FAM240B: variants seen among roughly 807,000 people sequenced by gnomAD.
The protein encoded by FAM240B is family with sequence similarity 240 member B, also known as protein FAM240B.
At chr9:38,709,222 G>A (rs1821225231) in intron 1 of FAM240B, among the ~76,000 whole-genome samples, 1 of 152,136 alleles carries the variant, frequency 6.6e-6, no homozygotes, top group Non-Finnish European at 1.5e-5. Flanking sequence ...TTCAGCAGGT[G>A]CAAGAACTTC....
intron 1 of FAM240B, among the ~76,000 whole-genome samples, chr9:38,716,737 C>A (rs1309811938): frequency 6.6e-6 from 1 of 152,226 alleles, no homozygotes; most frequent in Non-Finnish European, 1.5e-5. Flanking sequence ...ATTTGGCCTT[C>A]ACTAATGAAT....
At chr9:38,713,319 A>G (rs1037797142) in intron 1 of FAM240B, among the ~76,000 whole-genome samples, 1 of 152,044 alleles carries the variant, frequency 6.6e-6, no homozygotes, top group Non-Finnish European at 1.5e-5. Context: ...TCTACTAAAA[A>G]TACAAAAGAT....
At chr9:38,715,468 G>A (rs182468331) in intron 1 of FAM240B, among the ~76,000 whole-genome samples, 51 of 152,302 alleles carry the variant, frequency 3.3e-4, no homozygotes, top group Non-Finnish European at 4.4e-4. Flanking sequence ...CCACAAGCTC[G>A]GAAGCCTGTG....
intron 2 of FAM240B, among the ~76,000 whole-genome samples, chr9:38,695,319 G>C (rs780877787): frequency 1.3e-5 from 2 of 152,210 alleles, no homozygotes; most frequent in African/African-American, 2.4e-5. Context: ...TCAGGAGATC[G>C]AGACCATCCT....
chr9:38,704,685 C>G (rs1287191049), intron 1 of FAM240B, among the ~76,000 whole-genome samples: 1 of 152,188 alleles, frequency 6.6e-6, no homozygotes, highest in Non-Finnish European at 1.5e-5. Context: ...AAACAGTGCG[C>G]TCTTTCCATC....
chr9:38,719,997 A>G (rs564134359), intron 1 of FAM240B, 25 bp downstream of exon 1: 2 of 152,116 alleles, frequency 1.3e-5, no homozygotes, highest in East Asian at 3.9e-4. Flanking sequence ...CCCACACTTG[A>G]CAACACAAGC....
At chr9:38,700,009 C>G (rs2119000060) in intron 2 of FAM240B, among the ~76,000 whole-genome samples, 1 of 152,318 alleles carries the variant, frequency 6.6e-6, no homozygotes, top group East Asian at 1.9e-4. Flanking sequence ...GGGCCTGAGT[C>G]TGGTTTCCCT....
At chr9:38,715,306 C>T (rs559945498) in intron 1 of FAM240B, among the ~76,000 whole-genome samples, 3 of 152,324 alleles carry the variant, frequency 2.0e-5, no homozygotes, top group East Asian at 3.9e-4. Flanking sequence ...GTTTTCTCAT[C>T]TGTAAAATGG....
chr9:38,713,792 T>C (rs1821282950), intron 1 of FAM240B, among the ~76,000 whole-genome samples: 1 of 152,236 alleles, frequency 6.6e-6, no homozygotes, highest in Non-Finnish European at 1.5e-5. Flanking sequence ...TAAATGGTGA[T>C]GATAGGTGCA....
At position 38,709,134 on chromosome 9, in the gene FAM240B, G is replaced by A. The variant is rs567143531; in HGVS notation, c.-3-5132C>T. ...TAAAATTGACAGTTGCCACTGTGCT[G>A]ACTCTTGGCCTCAACCCCTCCATGT... is the stretch of plus-strand genomic sequence containing the variant. On this transcript the variant is annotated intron_variant, in intron 1 of 2. Coordinates refer to ENST00000637493, the MANE Select transcript of FAM240B (RefSeq NM_001394922.1). Among the ~76,000 whole-genome samples the A allele has an allele frequency of 2.6e-5, 4 of 152,208 alleles. No homozygotes were observed. In the South Asian group the frequency reaches 8.3e-4, roughly 32 times the overall value.
At chr9:38,701,833 T>C (rs1430196308) in intron 2 of FAM240B, among the ~76,000 whole-genome samples, 1 of 152,198 alleles carries the variant, frequency 6.6e-6, no homozygotes, top group East Asian at 1.9e-4. Context: ...TTGCAATTGA[T>C]TGCCATTTTT....
intron 1 of FAM240B, among the ~76,000 whole-genome samples, chr9:38,704,774 A>G (rs1033097846): frequency 3.3e-5 from 5 of 152,318 alleles, no homozygotes; most frequent in South Asian, 2.1e-4. Context: ...ACACTGTGCC[A>G]TCTGATGCTC....
intron 2 of FAM240B, among the ~76,000 whole-genome samples, chr9:38,702,308 A>G (rs62539026): frequency 0.055 from 8,367 of 152,298 alleles, 317 homozygotes; most frequent in Non-Finnish European, 0.086. Context: ...CTTATGGAAG[A>G]AGGGTCCTCT....
intron 2 of FAM240B, among the ~76,000 whole-genome samples, chr9:38,703,399 T>A (rs147152800): frequency 6.6e-6 from 1 of 152,314 alleles, no homozygotes; most frequent in Non-Finnish European, 1.5e-5. Flanking sequence ...CACTTGATTA[T>A]CCTGGGGCCA....
chr9:38,698,744 T>G (rs1325485070), intron 2 of FAM240B, among the ~76,000 whole-genome samples: 1 of 152,104 alleles, frequency 6.6e-6, no homozygotes, highest in Non-Finnish European at 1.5e-5. Context: ...GAATCTGGGG[T>G]TCATAATATA....
At chr9:38,710,898 C>T (rs1317561002) in intron 1 of FAM240B, among the ~76,000 whole-genome samples, 3 of 152,130 alleles carry the variant, frequency 2.0e-5, no homozygotes, top group Admixed American at 6.6e-5. Context: ...AGCCACTGCC[C>T]GAAGTCACCT....
At chr9:38,700,328 G>A (rs1208370981) in intron 2 of FAM240B, among the ~76,000 whole-genome samples, 1 of 152,214 alleles carries the variant, frequency 6.6e-6, no homozygotes, top group Non-Finnish European at 1.5e-5. Context: ...TTCAGAGCAA[G>A]AGAGAGGTGA....
At chr9:38,706,687 G>A (rs527321715) in intron 1 of FAM240B, among the ~76,000 whole-genome samples, 3 of 152,250 alleles carry the variant, frequency 2.0e-5, no homozygotes, top group East Asian at 3.9e-4. Context: ...GAGCTGCGCC[G>A]TGGAGCCTCT....
At chr9:38,705,828 GA>G (rs1346081871) in intron 1 of FAM240B, among the ~76,000 whole-genome samples, 1 of 152,136 alleles carries the variant, frequency 6.6e-6, no homozygotes, top group Non-Finnish European at 1.5e-5. Flanking sequence ...AAGATTTTAA[GA>G]ATCTGCTTCC....
Sources: gnomAD v4.1 joint callset for allele counts (sites outside exome capture counted in the v4.1 genomes callset) on GRCh38, gnomAD v4.1.1 for gene constraint, MANE v1.5 for transcripts, NCBI Gene and HGNC (gene_info 2026-07-23, HGNC 2026-07-21) for gene names.